The following RBM19 variants were observed in gnomAD, a reference collection of about 807,000 sequenced individuals.
The protein encoded by RBM19 is RNA binding motif protein 19.
A neutral mutation model predicts 116.8 loss-of-function variants in RBM19; 94 were observed. That is an observed-to-expected ratio of 0.80 (90% CI 0.68 to 0.95). The LOEUF (loss-of-function observed/expected upper bound fraction) is 0.95. Among genes scored for constraint, RBM19 ranks in the 40% least tolerant of loss-of-function variants. RBM19 has a pLI of 0.00. For missense variants in RBM19, 1,161 were observed against 1,220.7 expected (o/e 0.95, Z 0.73); for synonymous variants, 475 against 494.1 (o/e 0.96, Z 0.51).
At chr12:113,930,920 C>T (rs1869547522) in intron 16 of RBM19, among the ~76,000 whole-genome samples, 4 of 152,186 alleles carry the variant, frequency 2.6e-5, no homozygotes, top group Admixed American at 2.6e-4. Context: ...GGGTGAGTGA[C>T]TTCACTGCTG....
downstream of RBM19, among the ~76,000 whole-genome samples, chr12:113,821,484 C>A (rs1874410485): frequency 6.6e-6 from 1 of 152,198 alleles, no homozygotes; most frequent in East Asian, 1.9e-4. Context: ...CCAGCCCTGT[C>A]ATTCCGCATG....
intron 15 of RBM19, among the ~76,000 whole-genome samples, chr12:113,939,047 C>T (rs956714219): frequency 2.0e-5 from 3 of 152,222 alleles, no homozygotes; most frequent in African/African-American, 4.8e-5. Flanking sequence ...GCCCCACCTA[C>T]AGAACTGACT....
chr12:113,907,699 G>A (rs570224191), intron 21 of RBM19, among the ~76,000 whole-genome samples: 36 of 152,260 alleles, frequency 2.4e-4, no homozygotes, highest in African/African-American at 6.0e-4. Context: ...CACAAACCCC[G>A]TTTTCTGACT....
intron 3 of RBM19, 45 bp downstream of exon 3, chr12:113,960,014 C>T: frequency 6.2e-7 from 1 of 1,614,092 alleles, no homozygotes; most frequent in Non-Finnish European, 8.5e-7. Context: ...TGAGTGACTA[C>T]CCTGCTGGCA....
At position 113,858,802 on chromosome 12, in the gene RBM19, G is replaced by A. The variant is rs753841380; in HGVS notation, c.2653C>T (p.Gln885Ter). 8.1e-6 allele frequency: 13 copies of A among 1,614,038 alleles called. No homozygotes were observed. The highest frequency in any genetic ancestry group is 1.1e-5 in the Non-Finnish European group (13 of 1,179,932). Residue 885 changes from glutamine (Q) to a stop codon, truncating the protein, a stop_gained, in exon 22 of 24, where the codon CAG becomes TAG. Transcript: ENST00000261741. LOFTEE classifies it high-confidence loss of function. ...ATTCACGGTCTCACCTTCGCATCCT[G>A]CTTGGTGAGGAAGTCCACAAAGCCG... ...GFGFVDFLTK[Q>*]DAKRAFNALC...
chr12:113,820,201 G>A (rs1874320901), downstream of RBM19, among the ~76,000 whole-genome samples: 1 of 145,780 alleles, frequency 6.9e-6, no homozygotes, highest in South Asian at 2.1e-4. Context: ...GAACTGTCTT[G>A]GACCACACAT....
chr12:113,941,884 G>A (rs961497433), intron 14 of RBM19, among the ~76,000 whole-genome samples: 1 of 152,126 alleles, frequency 6.6e-6, no homozygotes, highest in African/African-American at 2.4e-5. Context: ...AAAATGAAGG[G>A]GTCTCATGAT....
intron 18 of RBM19, among the ~76,000 whole-genome samples, chr12:113,923,359 C>A (rs1237178774): frequency 6.6e-6 from 1 of 152,130 alleles, no homozygotes; most frequent in African/African-American, 2.4e-5. Context: ...CAACTGGCAC[C>A]TTGATCTTAG....
At chr12:113,928,532 C>T (rs1869322860) in intron 16 of RBM19, among the ~76,000 whole-genome samples, 1 of 150,940 alleles carries the variant, frequency 6.6e-6, no homozygotes, top group African/African-American at 2.4e-5. Context: ...TCATTTCAAC[C>T]TGTCACTGCT....
At chr12:113,873,005 G>T (rs1879386110) in intron 21 of RBM19, among the ~76,000 whole-genome samples, 1 of 119,096 alleles carries the variant, frequency 8.4e-6, no homozygotes, top group African/African-American at 3.0e-5. Flanking sequence ...GCCCCTACTG[G>T]GAAGTGAGGA....
chr12:113,923,747 T>C (rs2135871465), intron 18 of RBM19, among the ~76,000 whole-genome samples: 1 of 152,342 alleles, frequency 6.6e-6, no homozygotes, highest in African/African-American at 2.4e-5. Context: ...TGGTGTCCCC[T>C]GTGCTGGACG....
chr12:113,845,210 G>A (rs568673234), intron 22 of RBM19, among the ~76,000 whole-genome samples: 78 of 152,252 alleles, frequency 5.1e-4, no homozygotes, highest in African/African-American at 1.4e-3. Context: ...ACTGGGTGTC[G>A]CTCTCCTTCA....
At position 113,870,089 on chromosome 12, in the gene RBM19, C is replaced by T. The variant is rs114325992; in HGVS notation, c.2559-11193G>A. On this transcript the variant is annotated intron_variant, in intron 21 of 23. Transcript: ENST00000261741. Reference sequence around the variant, plus strand: ...ATCCTGGAAGGCTGAGGGTGGAAACCAAGTTAGTGATGAGGCAGGAGGAGA... The same window carrying T: ...ATCCTGGAAGGCTGAGGGTGGAAACTAAGTTAGTGATGAGGCAGGAGGAGA... 8.4e-3 allele frequency among the ~76,000 whole-genome samples: 1,272 copies of T among 152,242 alleles called. 13 individuals carry two copies. Among genetic ancestry groups the T allele is most frequent in the African/African-American group, 0.029 (1,216 of 41,534 alleles).
chr12:113,849,170 C>T (rs1334827377), intron 22 of RBM19, among the ~76,000 whole-genome samples: 1 of 152,218 alleles, frequency 6.6e-6, no homozygotes, highest in Admixed American at 6.5e-5. Context: ...GGACACCTGG[C>T]CTCCGTTTCC....
chr12:113,946,887 G>A (rs1871073505), intron 11 of RBM19, among the ~76,000 whole-genome samples: 1 of 152,244 alleles, frequency 6.6e-6, no homozygotes, highest in Non-Finnish European at 1.5e-5. Flanking sequence ...GAAAAAGGGT[G>A]ATGATGAGGC....
intron 17 of RBM19, among the ~76,000 whole-genome samples, chr12:113,925,964 C>A (rs1033907196): frequency 6.6e-6 from 1 of 152,112 alleles, no homozygotes; most frequent in African/African-American, 2.4e-5. Flanking sequence ...AAAAATGGAA[C>A]CAGGAAATAG....
chr12:113,946,423 T>C lies in RBM19; in HGVS notation c.1460A>G (p.Asp487Gly). The change falls in exon 12 of 24, where the codon GAT becomes GGT. Residue 487 changes from aspartate to glycine, a missense_variant. Physicochemically the swap from Asp to Gly is moderately conservative, Grantham distance 94. Coordinates refer to ENST00000261741, the MANE Select transcript of RBM19 (RefSeq NM_016196.4). ...GGACGACGATCCCAGGGCACTGGCA[T>C]CCTCGCTGGCTTCCTTCTTGATGGT... Reference protein sequence around the residue: ...PSTIKKEASEDASALGSSSYK... With the variant: ...PSTIKKEASEGASALGSSSYK... 6.2e-7 allele frequency: 1 copy of C among 1,614,118 alleles called. No individual in the cohort carries two copies. The highest frequency in any genetic ancestry group is 2.2e-5 in the East Asian group (1 of 44,868).
chr12:113,911,057 G>A (rs1017392033), intron 21 of RBM19, among the ~76,000 whole-genome samples: 2 of 152,174 alleles, frequency 1.3e-5, no homozygotes, highest in African/African-American at 4.8e-5. Context: ...GTGGCGGTGG[G>A]GGGGGTGGGA....
At position 113,844,653 on chromosome 12, in the gene RBM19, C is replaced by A. The variant is rs1876789967; in HGVS notation, c.2785+15G>T. On this transcript the variant is annotated intron_variant, in intron 23 of 23. Coordinates refer to ENST00000261741, the MANE Select transcript of RBM19 (RefSeq NM_016196.4). ...GGGGCCCATGAGTCAGCCCAAAAGA[C>A]CGTCCCGCTCCTACCGTGAAAGTGA... 6 of 1,601,764 alleles carry A rather than the reference C, an allele frequency of 3.7e-6. No individual in the cohort carries two copies. The highest frequency in any genetic ancestry group is 5.1e-6 in the Non-Finnish European group (6 of 1,174,018).
Sources: gnomAD v4.1 joint callset for allele counts (sites outside exome capture counted in the v4.1 genomes callset) on GRCh38, gnomAD v4.1.1 for gene constraint, MANE v1.5 for transcripts, NCBI Gene and HGNC (gene_info 2026-07-23, HGNC 2026-07-21) for gene names.